PPP2R3B: variants seen among roughly 807,000 people sequenced by gnomAD.
The protein encoded by PPP2R3B is serine/threonine-protein phosphatase 2A regulatory subunit B'' subunit beta.
PPP2R3B carries 68 observed loss-of-function variants against 72.9 expected under a neutral mutation model. That is an observed-to-expected ratio of 0.93 (90% CI 0.77 to 1.14). PPP2R3B has a LOEUF of 1.14. PPP2R3B is among the 50% of genes most tolerant of loss of function. The pLI, the probability that PPP2R3B is intolerant of heterozygous loss-of-function variation, is 0.00. For missense variants in PPP2R3B, 1,018 were observed against 842.0 expected, an observed-to-expected ratio of 1.21 and a Z score of -2.59; for synonymous variants, 466 against 375.8, an observed-to-expected ratio of 1.24 and a Z score of -2.78.
intron 2 of PPP2R3B, among the ~76,000 whole-genome samples, chrX:352,265 CAGAA>C (rs2071346065): frequency 6.6e-6 from 1 of 152,240 alleles, no homozygotes; most frequent in African/African-American, 2.4e-5. Flanking sequence ...GATCGACACA[CAGAA>C]AGACCGACTC....
intron 7 of PPP2R3B, among the ~76,000 whole-genome samples, chrX:344,587 G>C (rs1047512703): frequency 6.6e-6 from 1 of 152,258 alleles, no homozygotes; most frequent in Non-Finnish European, 1.5e-5. Context: ...GGGTTCACAG[G>C]GACAGTGAGC....
At chrX:356,848 G>GAGCTCCACAGTATCCACACCCC (rs1569397795) in intron 2 of PPP2R3B, among the ~76,000 whole-genome samples, 25 of 86,454 alleles carry the variant, frequency 2.9e-4, no homozygotes, top group Admixed American at 9.0e-4. Flanking sequence ...ACCACGCCTT[G>GAGCTCCACAGTATCCACACCCC]GCCAGCCACA....
Position 346,240 on chromosome X carries a change from G to C in PPP2R3B, c.813C>G (p.Tyr271Ter). 6.4e-7 allele frequency: 1 copy of C among 1,571,486 alleles called. No individual in the cohort carries two copies. ...YITTVIQRIF[Y>*]AVNRSWSGRI... ...TGCCGGACCAGGACCGGTTCACGGC[G>C]TAGAAGATCCGCTGGATGACCTGCG... Residue 271 changes from tyrosine to a stop codon, truncating the protein, a stop_gained, in exon 6 of 13, where the codon TAC (tyrosine) becomes TAG (stop). Transcript: ENST00000390665. LOFTEE classifies it high-confidence loss of function.
At chrX:348,381 G>C (rs1334271751) in intron 2 of PPP2R3B, among the ~76,000 whole-genome samples, 1 of 152,034 alleles carries the variant, frequency 6.6e-6, no homozygotes, top group Non-Finnish European at 1.5e-5. Context: ...TTCGAGACCA[G>C]CCTGGCCAAC....
At chrX:359,097 C>T (rs6603250) in intron 2 of PPP2R3B, among the ~76,000 whole-genome samples, 14,803 of 152,112 alleles carry the variant, frequency 0.097, 871 homozygotes, top group East Asian at 0.29. Context: ...GGACGCAGCG[C>T]GTGAGCTGCA....
intron 2 of PPP2R3B, among the ~76,000 whole-genome samples, chrX:353,855 C>T (rs1407858586): frequency 1.5e-5 from 2 of 132,128 alleles, no homozygotes; most frequent in South Asian, 4.8e-4. Context: ...GCCCAGGGAC[C>T]GGGGGCTCAC....
intron 7 of PPP2R3B, among the ~76,000 whole-genome samples, chrX:344,626 G>A (rs2071157308): frequency 6.6e-6 from 1 of 152,256 alleles, no homozygotes; most frequent in Non-Finnish European, 1.5e-5. Flanking sequence ...TCCCAGCTGT[G>A]CAGGTGCTGG....
intron 1 of PPP2R3B, among the ~76,000 whole-genome samples, chrX:370,076 A>G (rs2071824330): frequency 3.9e-5 from 6 of 152,170 alleles, no homozygotes; most frequent in Admixed American, 3.9e-4. Context: ...GGGCTGGTAG[A>G]GGGCTGCCAG....
At position 361,560 on chromosome X, in the gene PPP2R3B, G is replaced by A; in HGVS notation, c.355C>T (p.Pro119Ser). Residue 119 changes from proline (P) to serine (S), a missense_variant, in exon 2 of 13, where the codon CCG (proline) becomes TCG (serine). Transcript: ENST00000390665. ...VQTRKEEPLP[P>S]ATSQSIPTFY... ...GTCGGAATGCTTTGGCTCGTGGCCG[G>A]GGGCAGAGGCTCTTCTTTCCGTGTC... 1 of 1,613,998 alleles carries A rather than the reference G, an allele frequency of 6.2e-7. No homozygotes were observed. The highest frequency in any genetic ancestry group is 1.1e-5 in the South Asian group (1 of 91,080).
rs947643665 is a variant in PPP2R3B, at chrX:386,748, G to A, written c.-57C>T. ...GCCCGCGCCCCGCCCCGCCCCGGGG[G>A]CTTCGGTCCGCCCCGGACCGACCTC... On this transcript the variant is annotated 5_prime_UTR_variant, in exon 1 of 13. Transcript: ENST00000390665. 2 of 1,129,904 alleles carry A rather than the reference G, an allele frequency of 1.8e-6. No individual in the cohort carries two copies. The highest frequency in any genetic ancestry group is 1.6e-5 in the African/African-American group (1 of 61,000). 70.0% of individuals were successfully genotyped at this position (1,129,904 alleles called of 1,614,324 possible). A position where few individuals can be genotyped will look rare whatever the true frequency, so the allele number is the denominator to read the frequency against.
At position 361,510 on chromosome X, in the gene PPP2R3B, C is replaced by T. The variant is rs373968588; in HGVS notation, c.405G>A (p.Pro135=). 63 of 1,613,886 alleles carry T rather than the reference C, an allele frequency of 3.9e-5. No individual in the cohort carries two copies. Among genetic ancestry groups the T allele is most frequent in the Admixed American group, 1.2e-4 (7 of 60,000 alleles). Residue 135 remains proline (P), a synonymous_variant, in exon 2 of 13, where the codon CCG becomes CCA. Transcript: ENST00000390665. The stretch of plus-strand genomic sequence containing the variant: ...CGGCATCCACGTTGACGGAGTCCTG[C>T]GGGCGTCCTCTGGGGAAGTAGAAGG... ...IPTFYFPRGR[P]QDSVNVDAVI... is the part of the protein sequence containing the mutation.
At chrX:356,892 C>G in intron 2 of PPP2R3B, among the ~76,000 whole-genome samples, 1 of 132,184 alleles carries the variant, frequency 7.6e-6, no homozygotes, top group African/African-American at 2.5e-5. Context: ...CCCCGCCAGC[C>G]ACACAGCGAG....
At position 334,277 on chromosome X, in the gene PPP2R3B, T is replaced by C; in HGVS notation, c.*90A>G. 1 of 1,336,262 alleles carries C rather than the reference T, an allele frequency of 7.5e-7. No homozygotes were observed. Among genetic ancestry groups the C allele is most frequent in the Non-Finnish European group, 9.8e-7 (1 of 1,020,066 alleles). The allele number at this position is 1,336,262 out of a possible 1,614,324, so 82.8% of individuals were successfully genotyped here. ...AGTTTATCATTCCGTACAAACGCAC[T>C]CATTTTCCACAACAGTTTTTACACG... On this transcript the variant is annotated 3_prime_UTR_variant, in exon 13 of 13. Coordinates refer to ENST00000390665, the MANE Select transcript of PPP2R3B (RefSeq NM_013239.5).
chrX:370,989 G>A (rs1353841279), intron 1 of PPP2R3B, among the ~76,000 whole-genome samples: 3 of 152,188 alleles, frequency 2.0e-5, no homozygotes, highest in Non-Finnish European at 2.9e-5. Flanking sequence ...GAAGAGGGGC[G>A]TCTGTGTGCT....
chrX:362,584 T>G (rs1038941395), intron 1 of PPP2R3B, among the ~76,000 whole-genome samples: 1 of 151,692 alleles, frequency 6.6e-6, no homozygotes, highest in African/African-American at 2.4e-5. Context: ...GGAATGGGGC[T>G]GCGTCCTCCT....
chrX:338,499 G>C, intron 12 of PPP2R3B, 105 bp downstream of exon 12: 4 of 1,152,226 alleles, frequency 3.5e-6, no homozygotes, highest in South Asian at 1.4e-5. Context: ...GACTGACCCC[G>C]CATCCCCCGG....
chrX:344,991 G>A (rs1349503916), intron 7 of PPP2R3B: 2 of 357,854 alleles, frequency 5.6e-6, no homozygotes, highest in African/African-American at 4.3e-5. Flanking sequence ...AGGCCGCTTT[G>A]AGTTCCTGCA....
rs780071230 is a variant in PPP2R3B, at chrX:338,696, G to A, written c.1485C>T (p.Gly495=). ...QISLLRDGDS[G]GPELSDWEKY... ...TCTCCCAGTCCGAGAGCTCGGGGCC[G>A]CCGCTGTCACCGTCCTGGAGGAAGC... Residue 495 remains glycine (G), a synonymous_variant, in exon 12 of 13, where the codon GGC becomes GGT. Transcript: ENST00000390665. 21 of 1,611,620 alleles carry A rather than the reference G, an allele frequency of 1.3e-5. No homozygotes were observed. The highest frequency in any genetic ancestry group is 4.5e-5 in the East Asian group (2 of 44,880).
At position 386,666 on chromosome X, in the gene PPP2R3B, G is replaced by C. The variant is rs766488856; in HGVS notation, c.26C>G (p.Pro9Arg). ...CTCGTCCACCTTCATCTTCAGGACCGGCTGCAGCACTTTGCCGGGCGGCAT... is the reference window on the plus strand; with the variant it reads ...CTCGTCCACCTTCATCTTCAGGACCCGCTGCAGCACTTTGCCGGGCGGCAT... The part of the protein sequence containing the change: MPPGKVLQ[P>R]VLKMKVDELF... The change falls in exon 1 of 13, where the codon CCG (proline) becomes CGG (arginine). Residue 9 changes from proline (P) to arginine (R), a missense_variant. Transcript: ENST00000390665. 3.6e-6 allele frequency: 5 copies of C among 1,376,358 alleles called. No homozygotes were observed. In the South Asian group the frequency reaches 5.2e-5, roughly 14 times the overall value. 85.3% of individuals were successfully genotyped at this position (1,376,358 alleles called of 1,614,324 possible).
Sources: gnomAD v4.1 joint callset for allele counts (sites outside exome capture counted in the v4.1 genomes callset) on GRCh38, gnomAD v4.1.1 for gene constraint, MANE v1.5 for transcripts, NCBI Gene and HGNC (gene_info 2026-07-23, HGNC 2026-07-21) for gene names.